FOXN4: variants seen among roughly 807,000 people sequenced by gnomAD.
FOXN4 encodes forkhead box N4.
FOXN4 carries 12 observed loss-of-function variants against 45.0 expected under a neutral mutation model. The ratio of observed to expected loss-of-function variants is 0.27; its 90% CI spans 0.17 to 0.43. The LOEUF is 0.43. Among genes scored for constraint, FOXN4 ranks in the 20% least tolerant of loss-of-function variants. The probability of loss-of-function intolerance (pLI) is 1.00; values close to 1 mark genes in which losing one functional copy is unlikely to be tolerated. For missense variants in FOXN4, 560 were observed against 694.9 expected (o/e 0.81, Z 2.18); for synonymous variants, 297 against 295.0 (o/e 1.01, Z -0.07).
In FOXN4 at chr12:109,285,385, G is replaced by C. The variant is rs753454851; in HGVS notation, c.820C>G (p.Arg274Gly). The C allele has an allele frequency of 8.1e-6, 13 of 1,613,830 alleles. No homozygotes were observed. The highest frequency in any genetic ancestry group is 2.7e-5 in the African/African-American group (2 of 74,886). ...KGCLWALNLA[R>G]IDKMEEEMHK... is the part of the protein sequence containing the mutation. ...ATCTCCTCCTCCATCTTGTCGATGCGGGCCAGGTTCAGAGCCCACAGGCAG... is the reference window on the plus strand; with the variant it reads ...ATCTCCTCCTCCATCTTGTCGATGCCGGCCAGGTTCAGAGCCCACAGGCAG... Residue 274 changes from arginine to glycine, a missense_variant, in exon 8 of 10, where the codon CGC becomes GGC. Physicochemically the swap from Arg to Gly is moderately radical, Grantham distance 125. Around this residue, in one of 5 missense-constraint regions of FOXN4, gnomAD observed 315 missense variants for 350.5 expected, o/e 0.90. Coordinates refer to ENST00000299162, the MANE Select transcript of FOXN4 (RefSeq NM_213596.3).
chr12:109,285,162 T>C, intron 8 of FOXN4, 142 bp downstream of exon 8: 1 of 939,848 alleles, frequency 1.1e-6, no homozygotes, highest in African/African-American at 1.7e-5. Context: ...GTGCGCATAT[T>C]TGTGTGTGTG....
rs1335273087 is a variant in FOXN4 at position 109,286,761 on chromosome 12, G to A, written c.597-17C>T. 9 of 1,546,724 alleles carry A rather than the reference G, an allele frequency of 5.8e-6. No homozygotes were observed. Among genetic ancestry groups the A allele is most frequent in the Non-Finnish European group, 6.9e-6 (8 of 1,158,846 alleles). On this transcript the variant is annotated splice_polypyrimidine_tract_variant and intron_variant, in intron 6 of 9. Transcript: ENST00000299162. ...ATCAGACAGCTGGGGGCAGGAGGTGGGGCAGGGCAGGGCAGGGCAGGACAG... is the reference window on the plus strand; with the variant it reads ...ATCAGACAGCTGGGGGCAGGAGGTGAGGCAGGGCAGGGCAGGGCAGGACAG...
chr12:109,294,471 C>G (rs761403963), intron 2 of FOXN4, among the ~76,000 whole-genome samples: 5 of 152,164 alleles, frequency 3.3e-5, no homozygotes, highest in Non-Finnish European at 7.3e-5. Flanking sequence ...GGCCAGGCCC[C>G]TGCTTCCCCA....
Position 109,278,988 on chromosome 12 carries a change from G to T in FOXN4, c.*683C>A. Reference sequence around the variant, plus strand: ...ATGGGTTTGCAGAAGTGGGGTGGATGGGCCACAATAAATATAAATAAATTT... The same window carrying T: ...ATGGGTTTGCAGAAGTGGGGTGGATTGGCCACAATAAATATAAATAAATTT... On this transcript the variant is annotated 3_prime_UTR_variant, in exon 10 of 10. Transcript: ENST00000299162. The T allele has an allele frequency of 6.6e-6, 1 of 152,476 alleles. No individual in the cohort carries two copies. The allele number at this position is 152,476 out of a possible 1,614,324, so 9.4% of individuals were successfully genotyped here.
chr12:109,301,979 A>G (rs1397918924), intron 2 of FOXN4, among the ~76,000 whole-genome samples: 3 of 152,224 alleles, frequency 2.0e-5, no homozygotes, highest in Non-Finnish European at 4.4e-5. Context: ...CTCCCAGACC[A>G]GTTCAGCATC....
At chr12:109,293,630 T>C (rs1227739498) in intron 2 of FOXN4, among the ~76,000 whole-genome samples, 1 of 152,248 alleles carries the variant, frequency 6.6e-6, no homozygotes, top group African/African-American at 2.4e-5. Flanking sequence ...CCTGAGTAGC[T>C]GGAAGTACAG....
chr12:109,296,333 C>T (rs185170404), intron 2 of FOXN4, among the ~76,000 whole-genome samples: 4 of 152,348 alleles, frequency 2.6e-5, no homozygotes, highest in Non-Finnish European at 5.9e-5. Flanking sequence ...GACAAGCCTC[C>T]GTTGCACTAA....
chr12:109,303,409 C>T (rs995860033), intron 2 of FOXN4, among the ~76,000 whole-genome samples: 1 of 152,242 alleles, frequency 6.6e-6, no homozygotes, highest in Non-Finnish European at 1.5e-5. Flanking sequence ...GAGCATGAAG[C>T]CTCCCTGTGT....
chr12:109,283,185 T>A (rs199525897), intron 8 of FOXN4, among the ~76,000 whole-genome samples: 4 of 139,650 alleles, frequency 2.9e-5, no homozygotes, highest in Non-Finnish European at 1.6e-5. Flanking sequence ...ATTTTTTTTT[T>A]AAAAGCAGAT....
chr12:109,297,455 C>T (rs1223693032), intron 2 of FOXN4, among the ~76,000 whole-genome samples: 1 of 152,212 alleles, frequency 6.6e-6, no homozygotes, highest in Non-Finnish European at 1.5e-5. Context: ...ATTCTCCTGT[C>T]TCAGACTCCC....
At position 109,287,262 on chromosome 12, in the gene FOXN4, G is replaced by A. The variant is rs969858059; in HGVS notation, c.596+135C>T. 1.6e-5 allele frequency: 20 copies of A among 1,226,018 alleles called. No individual in the cohort carries two copies. The highest frequency in any genetic ancestry group is 2.0e-5 in the Non-Finnish European group (18 of 886,922). 75.9% of individuals were successfully genotyped at this position (1,226,018 alleles called of 1,614,324 possible). ...TTCCTGAGAACAAGTCCCACCTGGG[G>A]GTTCCCCACTCCCCAAAACCTCCCC... is the stretch of plus-strand genomic sequence containing the variant. On this transcript the variant is annotated intron_variant, in intron 6 of 9. Transcript: ENST00000299162. The surrounding 1 kb of genome is among the most constrained non-coding windows in gnomAD (Gnocchi z 4.1).
chr12:109,299,913 G>A (rs1484083649), intron 2 of FOXN4, among the ~76,000 whole-genome samples: 1 of 152,236 alleles, frequency 6.6e-6, no homozygotes, highest in Non-Finnish European at 1.5e-5. Context: ...CTGTGGCACT[G>A]CAGTGGAGTG....
intron 8 of FOXN4, among the ~76,000 whole-genome samples, chr12:109,284,872 GTGTGTGTGCACGCATGTGTGTATTGGTC>G (rs1259511576): frequency 9.4e-5 from 11 of 117,542 alleles, no homozygotes; most frequent in African/African-American, 4.5e-4. Context: ...TCTTCTGCGT[GTGTGTGTGCACGCATGTGTGTATTGGTC>G]TGTGTGTGCA....
At chr12:109,282,968 C>T (rs563962439) in intron 8 of FOXN4, among the ~76,000 whole-genome samples, 1 of 152,032 alleles carries the variant, frequency 6.6e-6, no homozygotes, top group South Asian at 2.1e-4. Context: ...GTCATACCCC[C>T]TCAACTGAGG....
In FOXN4 at chr12:109,287,969, G is replaced by A. The variant is rs2047731139; in HGVS notation, c.358-15C>T. ...AACTGGCTCATCTGCTGGGCAGGAA[G>A]AGGAGGAGACAGAGGGTCACGGTGG... On this transcript the variant is annotated splice_polypyrimidine_tract_variant and intron_variant, in intron 4 of 9. Coordinates refer to ENST00000299162, the MANE Select transcript of FOXN4 (RefSeq NM_213596.3). The surrounding 1 kb of genome is among the most constrained non-coding windows in gnomAD (Gnocchi z 4.1). 2 of 1,549,692 alleles carry A rather than the reference G, an allele frequency of 1.3e-6. No individual in the cohort carries two copies. The highest frequency in any genetic ancestry group is 2.4e-5 in the South Asian group (2 of 84,060).
intron 9 of FOXN4, among the ~76,000 whole-genome samples, chr12:109,280,176 C>T (rs1415668995): frequency 6.6e-6 from 1 of 152,058 alleles, no homozygotes; most frequent in Non-Finnish European, 1.5e-5. Flanking sequence ...AACCCCATCT[C>T]TACTAAAAAT....
chr12:109,281,381 C>A (rs2047650251), intron 9 of FOXN4, 26 bp downstream of exon 9: 1 of 1,610,518 alleles, frequency 6.2e-7, no homozygotes, highest in South Asian at 1.1e-5. Flanking sequence ...CATTCCATTC[C>A]CATCACTCCA....
In FOXN4 at chr12:109,281,413, G is replaced by C; in HGVS notation, c.1288C>G (p.Leu430Val). ...TCCATTCCTCCAGCCTCACCCTGCA[G>C]AGCGAAGTCCATGATGCTCGGGTCG... Reference protein sequence around the residue: ...ALDPSIMDFALQGNLWEEMKD... With the variant: ...ALDPSIMDFAVQGNLWEEMKD... Residue 430 changes from leucine (L) to valine (V), a missense_variant, in exon 9 of 10, where the codon CTG becomes GTG. Physicochemically the swap from Leu to Val is conservative, Grantham distance 32. This residue lies in a region of FOXN4 where 315 missense variants were observed against 350.5 expected (regional missense o/e 0.90). Transcript: ENST00000299162. 6.2e-7 allele frequency: 1 copy of C among 1,613,906 alleles called. No homozygotes were observed. Among genetic ancestry groups the C allele is most frequent in the Non-Finnish European group, 8.5e-7 (1 of 1,179,844 alleles).
rs2047772787 is a variant in FOXN4 at position 109,291,935 on chromosome 12, T to TCCGG, written c.87-1653_87-1650dup. 6.7e-6 allele frequency among the ~76,000 whole-genome samples: 1 copy of TCCGG among 148,778 alleles called. No homozygotes were observed. Among genetic ancestry groups the TCCGG allele is most frequent in the Admixed American group, 6.6e-5 (1 of 15,108 alleles). ...TCTGCAGCCCCCCGGCTGCCACCCC[T>TCCGG]CCGGCCGCCACCCCTCCGGCTGCCA... is the stretch of plus-strand genomic sequence containing the variant. On this transcript the variant is annotated intron_variant, in intron 2 of 9. Transcript: ENST00000299162. This position sits in a 1 kb window ranked among gnomAD's most constrained non-coding sequence, Gnocchi z 6.6.
Sources: gnomAD v4.1 joint callset for allele counts (sites outside exome capture counted in the v4.1 genomes callset) on GRCh38, gnomAD v4.1.1 for gene constraint, gnomAD v4.1.1 regional missense constraint, Gnocchi (gnomAD v3.1) non-coding constraint, MANE v1.5 for transcripts, NCBI Gene and HGNC (gene_info 2026-07-23, HGNC 2026-07-21) for gene names.